The following PTPRD variants were observed in gnomAD, a reference collection of about 807,000 sequenced individuals.
The protein encoded by PTPRD is protein tyrosine phosphatase receptor type D, also known as receptor-type tyrosine-protein phosphatase delta.
Under a neutral mutation model 214.5 loss-of-function variants are expected in PTPRD, and 34 were observed. That is an observed-to-expected ratio of 0.16 (90% CI 0.12 to 0.21). The LOEUF (loss-of-function observed/expected upper bound fraction) is 0.21. Ranked by LOEUF, PTPRD falls within the 10% of genes least tolerant of loss-of-function variation. The pLI, the probability that PTPRD is intolerant of heterozygous loss-of-function variation, is 1.00. For synonymous variants in PTPRD, 1,128 were observed against 845.7 expected (o/e 1.33, Z -5.79); for missense variants, 2,545 against 2,398.7 (o/e 1.06, Z -1.27).
intron 10 of PTPRD, among the ~76,000 whole-genome samples, chr9:9,086,923 A>G (rs369166): frequency 0.63 from 95,998 of 151,952 alleles, 31,095 homozygotes; most frequent in Non-Finnish European, 0.7. Context: ...AGCAAAAGCC[A>G]AAGAAACAGA....
chr9:10,057,282 G>C (rs1473159028), intron 3 of PTPRD, among the ~76,000 whole-genome samples: 2 of 152,098 alleles, frequency 1.3e-5, no homozygotes, highest in African/African-American at 4.8e-5. Context: ...ATCAGTCTGA[G>C]TATAGTCAGG....
At chr9:10,593,246 T>C (rs954070967) in intron 2 of PTPRD, among the ~76,000 whole-genome samples, 1 of 151,946 alleles carries the variant, frequency 6.6e-6, no homozygotes, top group Non-Finnish European at 1.5e-5. Context: ...ATTCAAACAG[T>C]CTGGGGTCAG....
At chr9:8,739,999 C>T (rs2091508612) in intron 11 of PTPRD, among the ~76,000 whole-genome samples, 1 of 152,114 alleles carries the variant, frequency 6.6e-6, no homozygotes, top group Non-Finnish European at 1.5e-5. Flanking sequence ...TTTTTTTCTT[C>T]CCAGTGTCTC....
chr9:9,708,107 C>A (rs4628308), intron 7 of PTPRD, among the ~76,000 whole-genome samples: 9,880 of 152,088 alleles, frequency 0.065, 712 homozygotes, highest in East Asian at 0.36. Flanking sequence ...AATAATGGTA[C>A]AGATTACTAC....
At position 8,699,298 on chromosome 9, in the gene PTPRD, A is replaced by T. The variant is rs189218988; in HGVS notation, c.64+34482T>A. On this transcript the variant is annotated intron_variant, in intron 12 of 45. Transcript: ENST00000381196. ...TTTCTGGTTTCTTGCAGGGCCTTTC[A>T]ACATATCCCCACAGAAAGATGAGGC... is the stretch of plus-strand genomic sequence containing the variant. Among the ~76,000 whole-genome samples the T allele has an allele frequency of 5.5e-4, 84 of 152,300 alleles. 1 individual carries two copies. Among genetic ancestry groups the T allele is most frequent in the African/African-American group, 1.9e-3 (81 of 41,578 alleles).
chr9:8,818,964 G>T lies in PTPRD; in HGVS notation c.-103-85018C>A, dbSNP rs1024935829. Among the ~76,000 whole-genome samples, 7 of 152,144 alleles carry T rather than the reference G, an allele frequency of 4.6e-5. No individual in the cohort carries two copies. In the East Asian group the frequency reaches 1.3e-3, roughly 29 times the overall value. Reference sequence around the variant, plus strand: ...GGTAACTAACCAGGAAAACGACATAGCACTCTAGTCCACTACTAGTTGCAA... The same window carrying T: ...GGTAACTAACCAGGAAAACGACATATCACTCTAGTCCACTACTAGTTGCAA... On this transcript the variant is annotated intron_variant, in intron 11 of 45. Transcript: ENST00000381196.
intron 7 of PTPRD, among the ~76,000 whole-genome samples, chr9:9,664,586 T>C (rs192472647): frequency 2.2e-4 from 33 of 151,814 alleles, no homozygotes; most frequent in Non-Finnish European, 4.4e-4. Flanking sequence ...ACAAAGCTCT[T>C]TTGTTAGACA....
At chr9:8,704,930 AAAAT>A (rs1460165891) in intron 12 of PTPRD, among the ~76,000 whole-genome samples, 9 of 151,966 alleles carry the variant, frequency 5.9e-5, no homozygotes, top group Non-Finnish European at 1.2e-4. Context: ...AAAAATATAA[AAAAT>A]AAATAAATAA....
intron 5 of PTPRD, among the ~76,000 whole-genome samples, chr9:9,826,101 T>C (rs990258100): frequency 6.6e-6 from 1 of 151,834 alleles, no homozygotes; most frequent in Non-Finnish European, 1.5e-5. Context: ...GCTTGTATGT[T>C]GGTCTTCCTT....
intron 11 of PTPRD, among the ~76,000 whole-genome samples, chr9:9,000,230 C>A (rs149869292): frequency 6.6e-6 from 1 of 152,148 alleles, no homozygotes; most frequent in African/African-American, 2.4e-5. Context: ...CCTTTTAGAA[C>A]GGCAGTCCTG....
chr9:9,007,202 C>A (rs935146112), intron 11 of PTPRD, among the ~76,000 whole-genome samples: 3 of 151,560 alleles, frequency 2.0e-5, no homozygotes, highest in Non-Finnish European at 4.4e-5. Context: ...TAGAAATATA[C>A]AGTAATCTGT....
chr9:10,168,083 G>T (rs1044546039), intron 3 of PTPRD, among the ~76,000 whole-genome samples: 1 of 152,152 alleles, frequency 6.6e-6, no homozygotes, highest in South Asian at 2.1e-4. Flanking sequence ...TTAAGACTGT[G>T]TAGAACATCT....
chr9:9,201,710 GT>G (rs1269356842), intron 9 of PTPRD, among the ~76,000 whole-genome samples: 59 of 152,072 alleles, frequency 3.9e-4, no homozygotes, highest in Admixed American at 4.6e-4. Flanking sequence ...TAAAAATAAT[GT>G]TTTGTTGATT....
chr9:9,949,555 C>T (rs2093214973), intron 4 of PTPRD, among the ~76,000 whole-genome samples: 1 of 152,086 alleles, frequency 6.6e-6, no homozygotes, highest in African/African-American at 2.4e-5. Context: ...GATAATGCTA[C>T]TCACATACCA....
intron 8 of PTPRD, among the ~76,000 whole-genome samples, chr9:9,524,795 C>T (rs374445692): frequency 1.3e-5 from 2 of 152,102 alleles, no homozygotes; most frequent in African/African-American, 2.4e-5. Flanking sequence ...TTGAAATCTC[C>T]GAATAATTTA....
intron 11 of PTPRD, among the ~76,000 whole-genome samples, chr9:9,011,215 TCTC>T (rs1453602462): frequency 6.6e-6 from 1 of 152,044 alleles, no homozygotes; most frequent in African/African-American, 2.4e-5. Flanking sequence ...AGTCATAGCT[TCTC>T]CTCATTTACA....
At chr9:9,937,862 G>T (rs1603020375) in intron 5 of PTPRD, among the ~76,000 whole-genome samples, 1 of 152,060 alleles carries the variant, frequency 6.6e-6, no homozygotes, top group South Asian at 2.1e-4. Flanking sequence ...ATTCTATTCA[G>T]TTTACCAAAG....
intron 7 of PTPRD, among the ~76,000 whole-genome samples, chr9:9,733,172 G>A (rs1002218396): frequency 1.3e-5 from 2 of 152,130 alleles, no homozygotes; most frequent in African/African-American, 2.4e-5. Flanking sequence ...ACATTTTAAT[G>A]TCAACTTATT....
intron 5 of PTPRD, among the ~76,000 whole-genome samples, chr9:9,783,316 T>G (rs1275793910): frequency 6.6e-6 from 1 of 152,172 alleles, no homozygotes; most frequent in Non-Finnish European, 1.5e-5. Context: ...TCCAATTTCT[T>G]TCTTGCATGA....
Sources: gnomAD v4.1 joint callset for allele counts (sites outside exome capture counted in the v4.1 genomes callset) on GRCh38, gnomAD v4.1.1 for gene constraint, MANE v1.5 for transcripts, NCBI Gene and HGNC (gene_info 2026-07-23, HGNC 2026-07-21) for gene names.